SUGCT: variants seen among roughly 807,000 people sequenced by gnomAD.
The protein encoded by SUGCT is succinyl-CoA:glutarate-CoA transferase.
A neutral mutation model predicts 55.0 loss-of-function variants in SUGCT; 41 were observed. That is an observed-to-expected ratio of 0.74 (90% CI 0.58 to 0.97). The LOEUF is 0.97. Ranked by LOEUF, SUGCT falls within the 50% of genes least tolerant of loss-of-function variation. SUGCT has a pLI of 0.00. For synonymous variants in SUGCT, 187 were observed against 200.4 expected, an observed-to-expected ratio of 0.93 and a Z score of 0.56; for missense variants, 568 against 547.8, an observed-to-expected ratio of 1.04 and a Z score of -0.37.
chr7:40,171,880 A>AT (rs1221011575), intron 1 of SUGCT, among the ~76,000 whole-genome samples: 3 of 152,238 alleles, frequency 2.0e-5, no homozygotes, highest in Non-Finnish European at 2.9e-5. Context: ...AAGATCTTCA[A>AT]TTATCAATTG....
intron 9 of SUGCT, among the ~76,000 whole-genome samples, chr7:40,375,541 C>T (rs1359858163): frequency 6.6e-6 from 1 of 152,146 alleles, no homozygotes; most frequent in Non-Finnish European, 1.5e-5. Context: ...GAATGTTCTT[C>T]CCCAACTGTC....
At chr7:40,229,992 C>T (rs542736021) in intron 6 of SUGCT, among the ~76,000 whole-genome samples, 1 of 152,252 alleles carries the variant, frequency 6.6e-6, no homozygotes, top group South Asian at 2.1e-4. Context: ...TTGAGGTAAA[C>T]AGTCTATTGT....
chr7:40,360,774 A>C (rs551408205), intron 9 of SUGCT, among the ~76,000 whole-genome samples: 2 of 152,308 alleles, frequency 1.3e-5, no homozygotes, highest in East Asian at 3.9e-4. Flanking sequence ...AAATTCAAAC[A>C]CTATCCTAAG....
chr7:40,770,566 C>T lies in SUGCT; in HGVS notation c.1153+21069C>T, dbSNP rs1358055544. On this transcript the variant is annotated intron_variant, in intron 13 of 13. Transcript: ENST00000335693. ...TCGGGAGAAGGTTCCTGGAAGCTGT[C>T]AAATTATACCTATACTCACATATAT... Among the ~76,000 whole-genome samples, 4 of 152,110 alleles carry T rather than the reference C, an allele frequency of 2.6e-5. No individual in the cohort carries two copies. In the South Asian group the frequency reaches 6.2e-4, roughly 24 times the overall value.
chr7:40,314,159 G>A (rs1385710496), intron 8 of SUGCT, among the ~76,000 whole-genome samples: 1 of 152,190 alleles, frequency 6.6e-6, no homozygotes, highest in African/African-American at 2.4e-5. Flanking sequence ...AGGCAGCCAA[G>A]CTGATATCCA....
chr7:40,908,755 A>G, the SUGCT span, among the ~76,000 whole-genome samples: 4 of 152,306 alleles, frequency 2.6e-5, no homozygotes, highest in Middle Eastern at 0.01. Flanking sequence ...ACTTTGGAAG[A>G]TTCTTACAAT....
intron 12 of SUGCT, among the ~76,000 whole-genome samples, chr7:40,612,889 T>G (rs1798829496): frequency 6.6e-6 from 1 of 152,052 alleles, no homozygotes; most frequent in Non-Finnish European, 1.5e-5. Context: ...TCCCAGCACT[T>G]TGGGAGGCTG....
intron 2 of SUGCT, among the ~76,000 whole-genome samples, chr7:40,181,490 A>G (rs956207346): frequency 3.9e-5 from 6 of 152,166 alleles, no homozygotes; most frequent in African/African-American, 1.4e-4. Flanking sequence ...TCACGCCTGT[A>G]ATCCCAGCAC....
In SUGCT at chr7:40,470,747, GTCTCTC is replaced by G. The variant is rs34012862; in HGVS notation, c.986+11577_986+11582del. ...GCTAGGAAAAGAAACTAAGTGAACA[GTCTCTC>G]TCTCTCTCTCTCTCTCTCTCTCTCT... On this transcript the variant is annotated intron_variant, in intron 11 of 13. Coordinates refer to ENST00000335693, the MANE Select transcript of SUGCT (RefSeq NM_001193313.2). 4.1e-3 allele frequency among the ~76,000 whole-genome samples: 599 copies of G among 146,358 alleles called. 5 individuals are homozygous for G. Among genetic ancestry groups the G allele is most frequent in the Admixed American group, 0.012 (173 of 14,726 alleles).
chr7:40,956,292 C>G, the SUGCT span, among the ~76,000 whole-genome samples: 157 of 152,150 alleles, frequency 1.0e-3, 1 homozygote, highest in African/African-American at 3.5e-3. Context: ...TTAATTAGTG[C>G]CTCAATTTCA....
intron 13 of SUGCT, among the ~76,000 whole-genome samples, chr7:40,830,135 C>T (rs111940930): frequency 2.4e-3 from 370 of 152,294 alleles, no homozygotes; most frequent in African/African-American, 8.3e-3. Flanking sequence ...CAACTGCCAC[C>T]ACCCCAGGCC....
intron 1 of SUGCT, among the ~76,000 whole-genome samples, chr7:40,176,494 A>G (rs1376970049): frequency 6.6e-6 from 1 of 152,156 alleles, no homozygotes; most frequent in African/African-American, 2.4e-5. Context: ...TTAAAACTTC[A>G]GAAGTTCTGC....
intron 9 of SUGCT, among the ~76,000 whole-genome samples, chr7:40,379,123 C>T (rs1362890652): frequency 1.3e-5 from 2 of 152,112 alleles, no homozygotes; most frequent in African/African-American, 2.4e-5. Context: ...AGCCTCAAAG[C>T]AAGGAATGCT....
intron 13 of SUGCT, among the ~76,000 whole-genome samples, chr7:40,809,176 A>C (rs557443569): frequency 6.6e-6 from 1 of 152,310 alleles, no homozygotes; most frequent in South Asian, 2.1e-4. Context: ...TTCTCTTATA[A>C]ACAAGGTTGT....
chr7:40,174,120 T>G (rs1784811662), intron 1 of SUGCT, among the ~76,000 whole-genome samples: 1 of 152,076 alleles, frequency 6.6e-6, no homozygotes, highest in Admixed American at 6.6e-5. Context: ...CTTCCTGGGT[T>G]GGAGCAATTC....
the SUGCT span, among the ~76,000 whole-genome samples, chr7:40,924,389 AC>A: frequency 6.6e-6 from 1 of 151,876 alleles, no homozygotes; most frequent in Non-Finnish European, 1.5e-5. Context: ...ACAGGCATGC[AC>A]CAGCATGCAC....
chr7:40,177,629 C>T (rs924179383), intron 1 of SUGCT, among the ~76,000 whole-genome samples: 5 of 152,142 alleles, frequency 3.3e-5, no homozygotes, highest in African/African-American at 1.2e-4. Flanking sequence ...CAATATCTAT[C>T]CTCCATTTAT....
chr7:40,771,861 A>T (rs1789122110), intron 13 of SUGCT, among the ~76,000 whole-genome samples: 1 of 152,144 alleles, frequency 6.6e-6, no homozygotes, highest in Admixed American at 6.5e-5. Flanking sequence ...TAAATTGGGG[A>T]AGTTATTTCT....
At chr7:40,908,866 T>A in the SUGCT span, among the ~76,000 whole-genome samples, 1 of 152,178 alleles carries the variant, frequency 6.6e-6, no homozygotes, top group Admixed American at 6.5e-5. Flanking sequence ...GTAATATGGA[T>A]TTTATTGAGT....
Sources: gnomAD v4.1 joint callset for allele counts (sites outside exome capture counted in the v4.1 genomes callset) on GRCh38, gnomAD v4.1.1 for gene constraint, MANE v1.5 for transcripts, NCBI Gene and HGNC (gene_info 2026-07-23, HGNC 2026-07-21) for gene names.